The following CACNA2D3 variants were observed in gnomAD, a reference collection of about 807,000 sequenced individuals.
The protein encoded by CACNA2D3 is voltage-dependent calcium channel subunit alpha-2/delta-3.
A neutral mutation model predicts 160.6 loss-of-function variants in CACNA2D3; 60 were observed. That is an observed-to-expected ratio of 0.37 (90% CI 0.30 to 0.46). The LOEUF (loss-of-function observed/expected upper bound fraction) is 0.46, where lower values mean the gene tolerates loss of function less well. Ranked by LOEUF, CACNA2D3 falls within the 20% of genes least tolerant of loss-of-function variation. The pLI, the probability that CACNA2D3 is intolerant of heterozygous loss-of-function variation, is 1.00. For missense variants in CACNA2D3, 1,205 were observed against 1,365.0 expected (o/e 0.88, Z 1.85); for synonymous variants, 558 against 492.9 (o/e 1.13, Z -1.75).
intron 2 of CACNA2D3, among the ~76,000 whole-genome samples, chr3:54,210,442 TTGTGTG>T (rs112519809): frequency 6.7e-6 from 1 of 148,186 alleles, no homozygotes; most frequent in Non-Finnish European, 1.5e-5. Context: ...GTGTGTGTGT[TTGTGTG>T]TGTGTGTGTG....
At chr3:54,802,809 C>G (rs1290700004) in intron 13 of CACNA2D3, among the ~76,000 whole-genome samples, 1 of 152,280 alleles carries the variant, frequency 6.6e-6, no homozygotes, top group East Asian at 1.9e-4. Flanking sequence ...AGGCACCCCC[C>G]CAGTAGGGGC....
At chr3:54,185,358 A>AT (rs1365670084) in intron 2 of CACNA2D3, among the ~76,000 whole-genome samples, 1 of 151,996 alleles carries the variant, frequency 6.6e-6, no homozygotes, top group Non-Finnish European at 1.5e-5. Context: ...TTCTACTTTA[A>AT]TTTTTTCCCA....
chr3:54,729,877 T>A (rs1254593173), intron 11 of CACNA2D3, among the ~76,000 whole-genome samples: 1 of 151,626 alleles, frequency 6.6e-6, no homozygotes, highest in Admixed American at 6.6e-5. Flanking sequence ...CAGGCGCCTG[T>A]AGTCCCAGTT....
intron 31 of CACNA2D3, among the ~76,000 whole-genome samples, chr3:54,989,851 A>G (rs1177312563): frequency 2.0e-5 from 3 of 152,176 alleles, no homozygotes; most frequent in Admixed American, 6.5e-5. Context: ...CAGGCTTCCT[A>G]TGACACCATA....
At chr3:55,065,893 T>G (rs1704624155) in intron 35 of CACNA2D3, among the ~76,000 whole-genome samples, 2 of 152,320 alleles carry the variant, frequency 1.3e-5, no homozygotes, top group Admixed American at 1.3e-4. Flanking sequence ...CTGCTGAAGT[T>G]TAGTTACTAC....
At chr3:54,147,714 A>G (rs1487815341) in intron 2 of CACNA2D3, among the ~76,000 whole-genome samples, 1 of 152,226 alleles carries the variant, frequency 6.6e-6, no homozygotes, top group African/African-American at 2.4e-5. Flanking sequence ...TAAGCCCTGT[A>G]TTACTGTTTG....
intron 31 of CACNA2D3, among the ~76,000 whole-genome samples, chr3:54,996,913 A>G (rs1702871060): frequency 1.3e-5 from 2 of 152,210 alleles, no homozygotes; most frequent in African/African-American, 4.8e-5. Flanking sequence ...TCAGCAAACT[A>G]ACACAAGAAC....
At chr3:54,271,119 T>C (rs1271877993) in intron 2 of CACNA2D3, among the ~76,000 whole-genome samples, 1 of 152,206 alleles carries the variant, frequency 6.6e-6, no homozygotes, top group Admixed American at 6.5e-5. Flanking sequence ...AGATGAGGGT[T>C]CAAGCCCTGA....
At chr3:55,039,329 G>A (rs1008928845) in intron 35 of CACNA2D3, among the ~76,000 whole-genome samples, 1 of 152,072 alleles carries the variant, frequency 6.6e-6, no homozygotes, top group African/African-American at 2.4e-5. Flanking sequence ...GGGAAAAGAC[G>A]CAGAAGAGTG....
At chr3:54,336,004 C>CAA (rs60465412) in intron 3 of CACNA2D3, among the ~76,000 whole-genome samples, 14,209 of 73,776 alleles carry the variant, frequency 0.19, 1,833 homozygotes, top group Middle Eastern at 0.25. Flanking sequence ...GACTCCGTCT[C>CAA]AAAAAAAAAA....
At chr3:54,962,783 C>T (rs1011757702) in intron 27 of CACNA2D3, among the ~76,000 whole-genome samples, 4 of 152,118 alleles carry the variant, frequency 2.6e-5, no homozygotes, top group African/African-American at 9.7e-5. Context: ...GACTGGAGGG[C>T]TGGGCAAATG....
intron 9 of CACNA2D3, among the ~76,000 whole-genome samples, chr3:54,611,593 G>T (rs545035548): frequency 6.6e-6 from 1 of 152,314 alleles, no homozygotes; most frequent in South Asian, 2.1e-4. Context: ...GTGCTCAAAT[G>T]AGTAGTTTCC....
intron 5 of CACNA2D3, among the ~76,000 whole-genome samples, chr3:54,534,968 C>A (rs552853140): frequency 5.3e-5 from 8 of 152,176 alleles, no homozygotes; most frequent in Non-Finnish European, 8.8e-5. Context: ...TTCCTATCTT[C>A]TCCGTCATTC....
intron 17 of CACNA2D3, among the ~76,000 whole-genome samples, chr3:54,867,823 A>C (rs1699437692): frequency 6.6e-6 from 1 of 152,100 alleles, no homozygotes; most frequent in African/African-American, 2.4e-5. Context: ...AATCTCTTGA[A>C]TCTCATTTGA....
rs1169638359 is a variant in CACNA2D3, at chr3:54,883,817, CT to C, written c.1913-1463del. Reference sequence around the variant, plus strand: ...CAATGGAATCTCTCTCTCTCTCTCTCTCTCTCCTCTCTCTCCCTTCAACCCT... The same window carrying C: ...CAATGGAATCTCTCTCTCTCTCTCTCCTCTCCTCTCTCTCCCTTCAACCCT... On this transcript the variant is annotated intron_variant, in intron 21 of 37. Coordinates refer to ENST00000474759, the MANE Select transcript of CACNA2D3 (RefSeq NM_018398.3). Among the ~76,000 whole-genome samples the C allele has an allele frequency of 1.9e-3, 270 of 143,274 alleles. 1 individual carries two copies. Among genetic ancestry groups the C allele is most frequent in the African/African-American group, 6.7e-3 (258 of 38,290 alleles). 94.0% of individuals were successfully genotyped at this position (143,274 alleles called of 152,430 possible). A position where few individuals can be genotyped will look rare whatever the true frequency, so the allele number is the denominator to read the frequency against.
At chr3:54,248,551 G>T (rs182114190) in intron 2 of CACNA2D3, among the ~76,000 whole-genome samples, 1 of 150,930 alleles carries the variant, frequency 6.6e-6, no homozygotes, top group African/African-American at 2.4e-5. Context: ...CAGTAGGACC[G>T]ATGTCCTTAT....
intron 5 of CACNA2D3, among the ~76,000 whole-genome samples, chr3:54,556,420 T>G (rs1438353093): frequency 6.6e-6 from 1 of 152,034 alleles, no homozygotes; most frequent in African/African-American, 2.4e-5. Flanking sequence ...CACCAGAGAT[T>G]AAGAGACGGG....
Position 54,887,721 on chromosome 3 carries a change from A to G in CACNA2D3, c.2057-238A>G, listed in dbSNP as rs569626897. On this transcript the variant is annotated intron_variant, in intron 23 of 37. Transcript: ENST00000474759. ...TGAGAAAGCAAGAAACTGAAGTGTG[A>G]GACACCCAAGGCTCTCAGTTGACTA... Among the ~76,000 whole-genome samples the G allele has an allele frequency of 1.7e-3, 256 of 152,198 alleles. 1 individual carries two copies. The highest frequency in any genetic ancestry group is 3.1e-3 in the Non-Finnish European group (214 of 68,044).
chr3:54,811,728 T>G (rs1212421592), intron 13 of CACNA2D3, among the ~76,000 whole-genome samples: 1 of 152,104 alleles, frequency 6.6e-6, no homozygotes, highest in Non-Finnish European at 1.5e-5. Flanking sequence ...CTCGAACTCC[T>G]GACCTCGGGT....
Sources: gnomAD v4.1 joint callset for allele counts (sites outside exome capture counted in the v4.1 genomes callset) on GRCh38, gnomAD v4.1.1 for gene constraint, MANE v1.5 for transcripts, NCBI Gene and HGNC (gene_info 2026-07-23, HGNC 2026-07-21) for gene names.